INPP4B: variants seen among roughly 807,000 people sequenced by gnomAD.
INPP4B encodes inositol polyphosphate 4-phosphatase type II.
A neutral mutation model predicts 122.5 loss-of-function variants in INPP4B; 55 were observed. The observed-to-expected ratio is 0.45, with a 90% CI of 0.36 to 0.56. The LOEUF (loss-of-function observed/expected upper bound fraction) is 0.56. Ranked by LOEUF, INPP4B falls within the 20% of genes least tolerant of loss-of-function variation. The probability of loss-of-function intolerance (pLI) is 0.00; values close to 1 mark genes in which losing one functional copy is unlikely to be tolerated. For missense variants in INPP4B, 1,000 were observed against 1,097.7 expected (o/e 0.91, Z 1.26); for synonymous variants, 403 against 388.7 (o/e 1.04, Z -0.43).
At chr4:142,682,335 AG>A (rs1560956266) in intron 2 of INPP4B, among the ~76,000 whole-genome samples, 1 of 151,608 alleles carries the variant, frequency 6.6e-6, no homozygotes, top group Non-Finnish European at 1.5e-5. Flanking sequence ...ACTCAATCTA[AG>A]CTTGAACACG....
At chr4:142,565,324 T>C (rs79283536) in intron 2 of INPP4B, among the ~76,000 whole-genome samples, 3,769 of 152,256 alleles carry the variant, frequency 0.025, 124 homozygotes, top group African/African-American at 0.072. Flanking sequence ...ATAGGCACAT[T>C]TCAAAAAGAC....
chr4:142,058,588 C>T (rs757031769), intron 25 of INPP4B, among the ~76,000 whole-genome samples: 1 of 152,106 alleles, frequency 6.6e-6, no homozygotes, highest in Non-Finnish European at 1.5e-5. Context: ...ATACCACTCT[C>T]ATATACCATT....
intron 7 of INPP4B, among the ~76,000 whole-genome samples, chr4:142,380,322 C>T (rs1793636296): frequency 6.6e-6 from 1 of 152,152 alleles, no homozygotes; most frequent in Non-Finnish European, 1.5e-5. Flanking sequence ...TCCTCTTCTG[C>T]TCCGACCCAC....
At chr4:142,335,354 CTGTTA>C (rs1199166462) in intron 7 of INPP4B, among the ~76,000 whole-genome samples, 4 of 152,168 alleles carry the variant, frequency 2.6e-5, no homozygotes, top group African/African-American at 9.6e-5. Flanking sequence ...AGTTCTGGTC[CTGTTA>C]TTTTTCTAGT....
At chr4:142,662,899 T>C (rs1214598835) in intron 2 of INPP4B, among the ~76,000 whole-genome samples, 1 of 152,168 alleles carries the variant, frequency 6.6e-6, no homozygotes, top group African/African-American at 2.4e-5. Flanking sequence ...ATAGTTATAA[T>C]CTTAAAATAC....
intron 1 of INPP4B, among the ~76,000 whole-genome samples, chr4:142,795,879 C>T (rs1016423081): frequency 6.6e-6 from 1 of 152,074 alleles, no homozygotes; most frequent in South Asian, 2.1e-4. Flanking sequence ...CATATCACTA[C>T]AAATCCTTTT....
chr4:142,724,938 AT>A (rs1378917067), intron 2 of INPP4B, among the ~76,000 whole-genome samples: 3 of 152,108 alleles, frequency 2.0e-5, no homozygotes, highest in African/African-American at 7.2e-5. Context: ...TAATATAAAA[AT>A]ATATAATACA....
chr4:142,429,667 A>G (rs563235814), intron 4 of INPP4B, among the ~76,000 whole-genome samples: 2 of 152,166 alleles, frequency 1.3e-5, no homozygotes, highest in South Asian at 4.1e-4. Context: ...CTAGGTTATG[A>G]TGGACATTGT....
At chr4:142,528,376 C>G (rs1466498990) in intron 2 of INPP4B, among the ~76,000 whole-genome samples, 2 of 152,020 alleles carry the variant, frequency 1.3e-5, no homozygotes. Context: ...TTCCAATCTA[C>G]TCATGTAGTT....
chr4:142,140,525 T>C (rs1232690414), intron 18 of INPP4B, among the ~76,000 whole-genome samples: 1 of 152,214 alleles, frequency 6.6e-6, no homozygotes, highest in Non-Finnish European at 1.5e-5. Context: ...ATCATTTTTA[T>C]CTGTTACTTC....
chr4:142,430,158 T>G (rs901802544), intron 4 of INPP4B, among the ~76,000 whole-genome samples: 43 of 152,158 alleles, frequency 2.8e-4, no homozygotes, highest in Non-Finnish European at 3.1e-4. Flanking sequence ...CCTTTTTGTA[T>G]AAAAATTAAC....
At position 142,575,610 on chromosome 4, in the gene INPP4B, C is replaced by T. The variant is rs143949646; in HGVS notation, c.-190-112884G>A. 4.2e-3 allele frequency among the ~76,000 whole-genome samples: 641 copies of T among 152,052 alleles called. 9 individuals are homozygous for T. The highest frequency in any genetic ancestry group is 0.018 in the East Asian group (94 of 5,164). On this transcript the variant is annotated intron_variant, in intron 2 of 25. Transcript: ENST00000262992. ...CAGAATAGGTAATTCACAAAGCCTT[C>T]GTCCGTATTAAATGAGATAATGAGA...
intron 8 of INPP4B, among the ~76,000 whole-genome samples, chr4:142,307,035 A>C (rs1763648034): frequency 6.6e-6 from 1 of 152,206 alleles, no homozygotes; most frequent in Admixed American, 6.5e-5. Context: ...ATCTGAGACC[A>C]AATTATTAGA....
chr4:142,244,902 T>C (rs1727133166), intron 11 of INPP4B, among the ~76,000 whole-genome samples: 1 of 152,204 alleles, frequency 6.6e-6, no homozygotes, highest in Admixed American at 6.5e-5. Flanking sequence ...TTCCTAACTT[T>C]TTAATGATTG....
At chr4:142,040,553 A>G (rs1746778215) in intron 25 of INPP4B, among the ~76,000 whole-genome samples, 2 of 152,216 alleles carry the variant, frequency 1.3e-5, no homozygotes. Flanking sequence ...AATTTTTGAA[A>G]GAAATGAAAC....
At chr4:142,116,362 C>A (rs539570343) in intron 21 of INPP4B, among the ~76,000 whole-genome samples, 1 of 152,108 alleles carries the variant, frequency 6.6e-6, no homozygotes, top group Non-Finnish European at 1.5e-5. Context: ...AATATACATT[C>A]TTCTCAGCAC....
intron 18 of INPP4B, among the ~76,000 whole-genome samples, chr4:142,144,720 T>C (rs1809760292): frequency 6.6e-6 from 1 of 152,074 alleles, no homozygotes; most frequent in Non-Finnish European, 1.5e-5. Context: ...AGAGGGACCA[T>C]CTACAACAAG....
At chr4:142,845,976 G>A (rs917391007) in intron 1 of INPP4B, among the ~76,000 whole-genome samples, 23 of 151,972 alleles carry the variant, frequency 1.5e-4, no homozygotes, top group Non-Finnish European at 2.2e-4. Flanking sequence ...GGTGACAGGG[G>A]TACCCCAGCA....
chr4:142,298,225 G>GT (rs1009231845), intron 9 of INPP4B, among the ~76,000 whole-genome samples: 1 of 152,208 alleles, frequency 6.6e-6, no homozygotes, highest in Non-Finnish European at 1.5e-5. Context: ...ACAAAGAAGA[G>GT]TTGGGACTGT....
Sources: allele counts gnomAD v4.1 joint callset (sites outside exome capture counted in the v4.1 genomes callset), GRCh38; gene constraint gnomAD v4.1.1; transcripts MANE v1.5; gene names NCBI Gene and HGNC (gene_info 2026-07-23, HGNC 2026-07-21).